The following OR2C1 variants were observed in gnomAD, a reference collection of about 807,000 sequenced individuals.
OR2C1 encodes olfactory receptor 2C1.
For missense variants in OR2C1, 468 were observed against 388.3 expected (o/e 1.21, Z -1.73); for synonymous variants, 209 against 167.3 (o/e 1.25, Z -1.92).
chr16:3,356,918 A>G lies in OR2C1; in HGVS notation c.*39A>G. The G allele has an allele frequency of 6.9e-7, 1 of 1,447,444 alleles. No homozygotes were observed. The highest frequency in any genetic ancestry group is 9.3e-7 in the Non-Finnish European group (1 of 1,079,664). The allele number at this position is 1,447,444 out of a possible 1,614,324, so 89.7% of individuals were successfully genotyped here. On this transcript the variant is annotated 3_prime_UTR_variant, in exon 1 of 1. Transcript: ENST00000304936. Reference sequence around the variant, plus strand: ...CGTTATTTATTGCGTCTTCATCTCTACATGCGTTTCTCATTAACTCTCTCT... The same window carrying G: ...CGTTATTTATTGCGTCTTCATCTCTGCATGCGTTTCTCATTAACTCTCTCT...
At chr16:3,357,631 C>T (rs35535522), downstream of OR2C1, among the ~76,000 whole-genome samples, 1 of 152,324 alleles carries the variant, frequency 6.6e-6, no homozygotes, top group African/African-American at 2.4e-5. Context: ...GCCTTGACTT[C>T]CCCAAGTGCT....
At chr16:3,349,652 C>G in the OR2C1 span, among the ~76,000 whole-genome samples, 3 of 151,790 alleles carry the variant, frequency 2.0e-5, no homozygotes, top group East Asian at 5.8e-4. Flanking sequence ...GAGAGAGAGG[C>G]GAACAGGGGG....
At chr16:3,325,463 ATATATATATATATATATATATATAT>A in the OR2C1 span, among the ~76,000 whole-genome samples, 8 of 79,344 alleles carry the variant, frequency 1.0e-4, no homozygotes, top group East Asian at 4.9e-3. Flanking sequence ...GTCTAAAAAT[ATATATATATATATATATATATATAT>A]ATATATATAT....
upstream of OR2C1, among the ~76,000 whole-genome samples, chr16:3,353,736 G>A (rs1015344363): frequency 2.6e-5 from 4 of 151,710 alleles, no homozygotes; most frequent in Non-Finnish European, 4.4e-5. Context: ...GGGAGGCAGA[G>A]GTTGCAGTGA....
chr16:3,356,618 G>A lies in OR2C1; in HGVS notation c.678G>A (p.Leu226=), dbSNP rs139208334. Residue 226 remains leucine, a synonymous_variant, in exon 1 of 1, where the codon CTG becomes CTA. Transcript: ENST00000304936. ...ISYCLIAQAV[L]KIRSAEGRRK... Reference sequence around the variant, plus strand: ...ACTGCCTCATTGCTCAGGCAGTGCTGAAAATCCGCTCTGCAGAGGGGAGGC... The same window carrying A: ...ACTGCCTCATTGCTCAGGCAGTGCTAAAAATCCGCTCTGCAGAGGGGAGGC... The A allele has an allele frequency of 1.9e-6, 3 of 1,614,014 alleles. No individual in the cohort carries two copies. The highest frequency in any genetic ancestry group is 2.7e-5 in the African/African-American group (2 of 74,920).
chr16:3,336,962 C>T, the OR2C1 span, among the ~76,000 whole-genome samples: 10 of 151,974 alleles, frequency 6.6e-5, no homozygotes, highest in African/African-American at 2.4e-4. Flanking sequence ...CCCATCTTGG[C>T]CTCCCAAAGT....
upstream of OR2C1, among the ~76,000 whole-genome samples, chr16:3,351,822 T>C (rs1235092145): frequency 6.6e-6 from 1 of 152,002 alleles, no homozygotes; most frequent in African/African-American, 2.4e-5. Context: ...TTCTCTAGCC[T>C]TTTCCAGTCT....
rs2030685422 is a variant in OR2C1 at position 3,356,719 on chromosome 16, T to C, written c.779T>C (p.Leu260Pro). 17 of 1,614,188 alleles carry C rather than the reference T, an allele frequency of 1.1e-5. No individual in the cohort carries two copies. Among genetic ancestry groups the C allele is most frequent in the Non-Finnish European group, 1.4e-5 (17 of 1,180,028 alleles). ...LFYGSASYGY[L>P]LPAKNSKQDQ... ...TATGGCTCAGCCAGCTATGGGTATC[T>C]GCTTCCGGCCAAGAACAGCAAACAG... is the stretch of plus-strand genomic sequence containing the variant. The change falls in exon 1 of 1, where the codon CTG (leucine) becomes CCG (proline). Residue 260 changes from leucine to proline, a missense_variant. Physicochemically the swap from Leu to Pro is moderately conservative, Grantham distance 98 (BLOSUM62 -3). Coordinates refer to ENST00000304936, the MANE Select transcript of OR2C1 (RefSeq NM_012368.3).
At chr16:3,344,721 C>A in the OR2C1 span, among the ~76,000 whole-genome samples, 4 of 94,870 alleles carry the variant, frequency 4.2e-5, no homozygotes, top group Non-Finnish European at 8.6e-5. Context: ...GAGTGAGACT[C>A]TGTCTCAAAA....
the OR2C1 span, among the ~76,000 whole-genome samples, chr16:3,341,321 A>G: frequency 5.9e-5 from 9 of 152,168 alleles, 1 homozygote; most frequent in East Asian, 7.7e-4. Flanking sequence ...TGCTGAATTA[A>G]TTTATTAGTT....
the OR2C1 span, among the ~76,000 whole-genome samples, chr16:3,327,303 A>G: frequency 6.6e-6 from 1 of 152,084 alleles, no homozygotes; most frequent in Non-Finnish European, 1.5e-5. Context: ...TAAATCTCAG[A>G]CATTCTAACA....
chr16:3,325,657 G>T, the OR2C1 span, among the ~76,000 whole-genome samples: 2 of 151,086 alleles, frequency 1.3e-5, no homozygotes, highest in South Asian at 2.1e-4. Context: ...GCACAATAAG[G>T]TATGCCTGTA....
At chr16:3,325,779 G>A in the OR2C1 span, among the ~76,000 whole-genome samples, 1 of 151,460 alleles carries the variant, frequency 6.6e-6, no homozygotes, top group Admixed American at 6.6e-5. Context: ...TTTTTGCTTT[G>A]TTGGTGTAAA....
chr16:3,357,230 C>G lies in OR2C1; in HGVS notation c.*351C>G, dbSNP rs1201669926. 1 of 217,564 alleles carries G rather than the reference C, an allele frequency of 4.6e-6. No homozygotes were observed. 13.5% of individuals were successfully genotyped at this position (217,564 alleles called of 1,614,324 possible). Reference sequence around the variant, plus strand: ...CTGCAGAATTCTGTACTTTTCTAAGCAAAGCACCTCCACTTGCAGTATCTT... The same window carrying G: ...CTGCAGAATTCTGTACTTTTCTAAGGAAAGCACCTCCACTTGCAGTATCTT... On this transcript the variant is annotated 3_prime_UTR_variant, in exon 1 of 1. Coordinates refer to ENST00000304936, the MANE Select transcript of OR2C1 (RefSeq NM_012368.3).
the OR2C1 span, among the ~76,000 whole-genome samples, chr16:3,340,244 A>T: frequency 6.6e-6 from 1 of 151,996 alleles, no homozygotes; most frequent in South Asian, 2.1e-4. Context: ...ACACCACTGC[A>T]CTCCAGCCTG....
At chr16:3,331,958 C>G in the OR2C1 span, among the ~76,000 whole-genome samples, 1 of 151,710 alleles carries the variant, frequency 6.6e-6, no homozygotes, top group African/African-American at 2.4e-5. Context: ...TCATCATTCT[C>G]ATTAAACTAT....
At chr16:3,329,230 G>A in the OR2C1 span, among the ~76,000 whole-genome samples, 11 of 137,246 alleles carry the variant, frequency 8.0e-5, no homozygotes, top group African/African-American at 1.1e-4. Flanking sequence ...GCTATGGAGC[G>A]GGAAGAAGAA....
upstream of OR2C1, among the ~76,000 whole-genome samples, chr16:3,351,994 A>C (rs994714895): frequency 4.6e-5 from 7 of 151,856 alleles, no homozygotes; most frequent in African/African-American, 1.7e-4. Flanking sequence ...TTGACAGCAG[A>C]ATTAGAAAAT....
chr16:3,325,117 G>A, the OR2C1 span, among the ~76,000 whole-genome samples: 1 of 152,050 alleles, frequency 6.6e-6, no homozygotes, highest in African/African-American at 2.4e-5. Context: ...AAGTAGCTGG[G>A]ATTACAGGCA....
Sources: gnomAD v4.1 joint callset for allele counts (sites outside exome capture counted in the v4.1 genomes callset) on GRCh38, gnomAD v4.1.1 for gene constraint, MANE v1.5 for transcripts, NCBI Gene and HGNC (gene_info 2026-07-23, HGNC 2026-07-21) for gene names.